The following STK32A variants were observed in gnomAD, a reference collection of about 807,000 sequenced individuals.
STK32A encodes serine/threonine-protein kinase 32A.
A neutral mutation model predicts 53.2 loss-of-function variants in STK32A; 41 were observed. The ratio of observed to expected loss-of-function variants is 0.77; its 90% CI spans 0.60 to 1.00. The LOEUF is 1.00. Ranked by LOEUF, STK32A falls within the 50% of genes least tolerant of loss-of-function variation. The probability of loss-of-function intolerance (pLI) is 0.00; values close to 1 mark genes in which losing one functional copy is unlikely to be tolerated. For synonymous variants in STK32A, 166 were observed against 162.8 expected, an observed-to-expected ratio of 1.02 and a Z score of -0.15; for missense variants, 458 against 485.8, an observed-to-expected ratio of 0.94 and a Z score of 0.54.
intron 5 of STK32A, 107 bp downstream of exon 5, chr5:147,324,178 A>G (rs780391787): frequency 9.3e-6 from 11 of 1,186,620 alleles, no homozygotes; most frequent in Non-Finnish European, 1.3e-5. Context: ...TCCCCGTTTA[A>G]TTCTTGAAAC....
At chr5:147,348,096 C>T (rs992314185) in intron 6 of STK32A, among the ~76,000 whole-genome samples, 1 of 152,152 alleles carries the variant, frequency 6.6e-6, no homozygotes, top group African/African-American at 2.4e-5. Context: ...CAAAGGGATT[C>T]TAGACAAAAT....
At chr5:147,275,335 T>C (rs1291017024) in intron 2 of STK32A, among the ~76,000 whole-genome samples, 1 of 26,454 alleles carries the variant, frequency 3.8e-5, no homozygotes, top group African/African-American at 2.1e-4. Flanking sequence ...TCCAGTCACT[T>C]TTTTTTTTTT....
At chr5:147,296,724 T>C (rs944796841) in intron 4 of STK32A, among the ~76,000 whole-genome samples, 28 of 152,116 alleles carry the variant, frequency 1.8e-4, no homozygotes, top group Non-Finnish European at 5.9e-5. Flanking sequence ...CCAAATATTA[T>C]TTGAGAGAGA....
At chr5:147,394,392 ATGACAAAGACG>A in the STK32A span, among the ~76,000 whole-genome samples, 2 of 152,198 alleles carry the variant, frequency 1.3e-5, no homozygotes, top group Non-Finnish European at 2.9e-5. Context: ...AAGAAGAACA[ATGACAAAGACG>A]TGACACTCAT....
At chr5:147,278,013 T>A in intron 2 of STK32A, 111 bp from the exon 3 acceptor site, 1 of 897,744 alleles carries the variant, frequency 1.1e-6, no homozygotes, top group South Asian at 1.6e-5. Context: ...TAAGGTAGTC[T>A]GAGATCATGT....
At chr5:147,329,778 GGAT>G (rs1754775670) in intron 5 of STK32A, among the ~76,000 whole-genome samples, 1 of 152,146 alleles carries the variant, frequency 6.6e-6, no homozygotes, top group Non-Finnish European at 1.5e-5. Flanking sequence ...CCTCATAAGT[GGAT>G]ACTACACCTC....
chr5:147,337,703 G>A (rs1176603512), intron 5 of STK32A, among the ~76,000 whole-genome samples: 1 of 152,034 alleles, frequency 6.6e-6, no homozygotes, highest in African/African-American at 2.4e-5. Context: ...ACGTCCTAGT[G>A]GGGGTTGGGG....
intron 6 of STK32A, among the ~76,000 whole-genome samples, chr5:147,347,934 C>T (rs1019017791): frequency 1.3e-5 from 2 of 152,144 alleles, no homozygotes; most frequent in African/African-American, 4.8e-5. Context: ...TCCAGTAGAA[C>T]CTGACCCTCA....
At chr5:147,383,298 C>A in intron 11 of STK32A, 143 bp from the exon 12 acceptor site, 1 of 706,554 alleles carries the variant, frequency 1.4e-6, no homozygotes, top group Non-Finnish European at 2.4e-6. Context: ...ATCTTCTTCA[C>A]ATAGCATCCA....
intron 4 of STK32A, among the ~76,000 whole-genome samples, chr5:147,295,843 A>T (rs1414569553): frequency 2.6e-5 from 2 of 76,618 alleles, no homozygotes; most frequent in African/African-American, 4.8e-5. Context: ...GAAACAAAGT[A>T]AAAAAAAATA....
chr5:147,303,089 C>T (rs1753218223), intron 4 of STK32A, among the ~76,000 whole-genome samples: 1 of 152,162 alleles, frequency 6.6e-6, no homozygotes, highest in African/African-American at 2.4e-5. Flanking sequence ...CCTAAACATA[C>T]ATACACATTT....
intron 2 of STK32A, among the ~76,000 whole-genome samples, chr5:147,270,512 C>T (rs1224028726): frequency 6.6e-6 from 1 of 152,138 alleles, no homozygotes; most frequent in Non-Finnish European, 1.5e-5. Context: ...CTGAGCCTGG[C>T]TTTAAAAGTT....
At chr5:147,371,983 C>G (rs911792534) in intron 9 of STK32A, among the ~76,000 whole-genome samples, 1 of 152,098 alleles carries the variant, frequency 6.6e-6, no homozygotes, top group African/African-American at 2.4e-5. Flanking sequence ...TAAAATTATA[C>G]CCAGCATTTG....
intron 8 of STK32A, among the ~76,000 whole-genome samples, chr5:147,363,930 G>C (rs903347774): frequency 6.6e-6 from 1 of 152,000 alleles, no homozygotes; most frequent in Non-Finnish European, 1.5e-5. Context: ...AAATCTCCTC[G>C]GCTGGCCTGG....
intron 5 of STK32A, among the ~76,000 whole-genome samples, chr5:147,333,804 G>A (rs557628534): frequency 1.6e-4 from 24 of 152,010 alleles, no homozygotes; most frequent in Non-Finnish European, 2.5e-4. Context: ...CTTATATAAC[G>A]CAAACATTAA....
intron 4 of STK32A, among the ~76,000 whole-genome samples, chr5:147,320,745 C>T (rs557890639): frequency 6.6e-6 from 1 of 152,266 alleles, no homozygotes; most frequent in South Asian, 2.1e-4. Context: ...TAACCAGGTA[C>T]TGGACAGCAT....
intron 2 of STK32A, among the ~76,000 whole-genome samples, chr5:147,251,485 C>CA (rs749964480): frequency 2.0e-5 from 3 of 152,184 alleles, no homozygotes; most frequent in Non-Finnish European, 4.4e-5. Flanking sequence ...GACCTTAAGT[C>CA]AGACAGTCAC....
chr5:147,291,553 A>T (rs201520119), intron 4 of STK32A, among the ~76,000 whole-genome samples: 5,033 of 75,464 alleles, frequency 0.067, 281 homozygotes, highest in African/African-American at 0.16. Flanking sequence ...ATTACAATTA[A>T]AAAAAAAAAA....
intron 2 of STK32A, among the ~76,000 whole-genome samples, chr5:147,275,470 G>A (rs1182285990): frequency 8.6e-5 from 13 of 152,010 alleles, no homozygotes; most frequent in African/African-American, 3.1e-4. Context: ...GACTACAGAT[G>A]TGCACCACCA....
Sources: gnomAD v4.1 joint callset for allele counts (sites outside exome capture counted in the v4.1 genomes callset) on GRCh38, gnomAD v4.1.1 for gene constraint, MANE v1.5 for transcripts, NCBI Gene and HGNC (gene_info 2026-07-23, HGNC 2026-07-21) for gene names.